Variants in RSPH4A observed in about 807,000 individuals in gnomAD.
RSPH4A encodes the protein radial spoke head protein 4 homolog A.
Under a neutral mutation model 71.0 loss-of-function variants are expected in RSPH4A, and 47 were observed. The ratio of observed to expected loss-of-function variants is 0.66; its 90% confidence interval spans 0.52 to 0.84. RSPH4A has a LOEUF of 0.84. Ranked by LOEUF, RSPH4A falls within the 40% of genes least tolerant of loss-of-function variation. The probability of loss-of-function intolerance (pLI) is 0.00; values close to 1 mark genes in which losing one functional copy is unlikely to be tolerated. For synonymous variants in RSPH4A, 282 were observed against 302.3 expected (o/e 0.93, Z 0.70); for missense variants, 793 against 855.2 (o/e 0.93, Z 0.91).
Position 116,617,104 on chromosome 6 carries a change from TGTGGACGAAGGGACGTGA to T in RSPH4A, c.483_500del (p.Gly162_Ser167del). ...GTCTCAGCAACCCAAACCCCACCTG[TGTGGACGAAGGGACGTGA>T]GCTATAACAACGCTAAACAGAAAGA... On this transcript the variant is annotated inframe_deletion, in exon 1 of 6. Transcript: ENST00000229554. 1 of 1,614,166 alleles carries T rather than the reference TGTGGACGAAGGGACGTGA, an allele frequency of 6.2e-7. No homozygotes were observed. Among genetic ancestry groups the T allele is most frequent in the Non-Finnish European group, 8.5e-7 (1 of 1,180,030 alleles).
intron 1 of RSPH4A, among the ~76,000 whole-genome samples, chr6:116,619,243 C>A (rs1223311456): frequency 2.0e-5 from 3 of 152,070 alleles, no homozygotes; most frequent in Non-Finnish European, 4.4e-5. Context: ...TGGGGAAGCC[C>A]AGCAAGGCCT....
At chr6:116,622,714 T>A in intron 1 of RSPH4A, 54 bp from the exon 2 acceptor site, 1 of 1,180,236 alleles carries the variant, frequency 8.5e-7, no homozygotes, top group East Asian at 2.3e-5. Context: ...AGAAAAATGC[T>A]TCTTCAAATG....
At chr6:116,627,012 A>G (rs1775706156) in intron 2 of RSPH4A, among the ~76,000 whole-genome samples, 1 of 152,206 alleles carries the variant, frequency 6.6e-6, no homozygotes, top group African/African-American at 2.4e-5. Flanking sequence ...TAAGGGAGTC[A>G]CTTATTTTTT....
In RSPH4A at chr6:116,630,537, C is replaced by G; in HGVS notation, c.1901C>G (p.Ala634Gly). 6.4e-7 allele frequency: 1 copy of G among 1,553,284 alleles called. No individual in the cohort carries two copies. Among genetic ancestry groups the G allele is most frequent in the Non-Finnish European group, 8.9e-7 (1 of 1,124,854 alleles). Residue 634 changes from alanine to glycine, a missense_variant, in exon 5 of 6, where the codon GCC (alanine) becomes GGC (glycine). Transcript: ENST00000229554. ...TCCAACCTTTGGCCTGGAGCATATG[C>G]CTTCTCCAATGGCAAGTAAGTATCT... Reference protein sequence around the residue: ...LQSNLWPGAYAFSNGKKFENF... With the variant: ...LQSNLWPGAYGFSNGKKFENF...
chr6:116,622,378 A>G (rs1026118083), intron 1 of RSPH4A, among the ~76,000 whole-genome samples: 1 of 152,212 alleles, frequency 6.6e-6, no homozygotes, highest in Non-Finnish European at 1.5e-5. Context: ...TCAGAAATAA[A>G]ATGTGAAAAT....
intron 1 of RSPH4A, among the ~76,000 whole-genome samples, chr6:116,618,560 C>G (rs1562388487): frequency 6.6e-6 from 1 of 152,232 alleles, no homozygotes; most frequent in African/African-American, 2.4e-5. Flanking sequence ...GTCGCCCAGG[C>G]TGGAGTGTAG....
In RSPH4A at chr6:116,617,060, A is replaced by G. The variant is rs778605738; in HGVS notation, c.437A>G (p.Glu146Gly). The G allele has an allele frequency of 2.5e-6, 4 of 1,614,104 alleles. No homozygotes were observed. The African/African-American group carries it at 5.3e-5, about 22-fold the overall frequency. Residue 146 changes from glutamate to glycine, a missense_variant, in exon 1 of 6, where the codon GAA becomes GGA. Physicochemically the swap from Glu to Gly is moderately conservative, Grantham distance 98. Transcript: ENST00000229554. ...ESTPHHTSQS[E>G]GNTFQQSQQP... ...ACTCCTCATCACACAAGCCAGTCAG[A>G]AGGAAACACCTTTCAACAGTCTCAG... is the stretch of plus-strand genomic sequence containing the variant.
intron 5 of RSPH4A, 101 bp downstream of exon 5, chr6:116,630,653 G>GTTT: frequency 2.6e-6 from 1 of 389,486 alleles, no homozygotes; most frequent in African/African-American, 2.7e-5. Flanking sequence ...TGTTTCTTTG[G>GTTT]TTTTTTTTTT....
chr6:116,630,839 A>ATTTT (rs1449023585), intron 5 of RSPH4A, among the ~76,000 whole-genome samples: 10 of 71,254 alleles, frequency 1.4e-4, no homozygotes, highest in Non-Finnish European at 2.4e-4. Flanking sequence ...TGCCCAGCTA[A>ATTTT]TTTTTGTATT....
rs1775721602 is a variant in RSPH4A, at chr6:116,627,815, G to C, written c.1108G>C (p.Glu370Gln). 1 of 1,614,156 alleles carries C rather than the reference G, an allele frequency of 6.2e-7. No homozygotes were observed. Among genetic ancestry groups the C allele is most frequent in the Non-Finnish European group, 8.5e-7 (1 of 1,180,026 alleles). Residue 370 changes from glutamate to glutamine, a missense_variant, in exon 3 of 6, where the codon GAA becomes CAA. Physicochemically the swap from Glu to Gln is conservative, Grantham distance 29. Transcript: ENST00000229554. ...LGLEMNYIVA[E>Q]VEFREGEDEE... ...TCTGGAAATGAATTATATTGTAGCT[G>C]AAGTGGAATTTCGTGAGGGGGAAGA...
At chr6:116,623,503 T>C (rs1260705772) in intron 2 of RSPH4A, among the ~76,000 whole-genome samples, 1 of 152,124 alleles carries the variant, frequency 6.6e-6, no homozygotes, top group Non-Finnish European at 1.5e-5. Context: ...GTTTTTTTCA[T>C]ACTGTGTTTT....
intron 5 of RSPH4A, among the ~76,000 whole-genome samples, chr6:116,631,555 A>G (rs1775804834): frequency 6.6e-6 from 1 of 152,188 alleles, no homozygotes; most frequent in Admixed American, 6.5e-5. Context: ...GAAGTGAAAA[A>G]GTGCTGAGCA....
rs1462338908 is a variant in RSPH4A, at chr6:116,617,133, C to CA, written c.510_511insA (p.Ala171SerfsTer2). 4 of 1,614,200 alleles carry CA rather than the reference C, an allele frequency of 2.5e-6. No homozygotes were observed. On this transcript the variant is annotated frameshift_variant, in exon 1 of 6. Coordinates refer to ENST00000229554, the MANE Select transcript of RSPH4A (RefSeq NM_001010892.3). LOFTEE classifies it high-confidence loss of function. The stretch of plus-strand genomic sequence containing the variant: ...GACGAAGGGACGTGAGCTATAACAA[C>CA]GCTAAACAGAAAGAGCTGAGATTTG...
intron 5 of RSPH4A, among the ~76,000 whole-genome samples, chr6:116,631,134 C>T (rs1257306306): frequency 6.6e-6 from 1 of 151,976 alleles, no homozygotes; most frequent in African/African-American, 2.4e-5. Context: ...CTTAATTATC[C>T]AATTTGTTGA....
In RSPH4A at chr6:116,617,069, C is replaced by A. The variant is rs13213314; in HGVS notation, c.446C>A (p.Thr149Asn). 7 of 1,614,160 alleles carry A rather than the reference C, an allele frequency of 4.3e-6. No homozygotes were observed. Among genetic ancestry groups the A allele is most frequent in the Non-Finnish European group, 5.9e-6 (7 of 1,180,004 alleles). ...PHHTSQSEGN[T>N]FQQSQQPKPH... is the part of the protein sequence containing the mutation. ...CACACAAGCCAGTCAGAAGGAAACA[C>A]CTTTCAACAGTCTCAGCAACCCAAA... Residue 149 changes from threonine (T) to asparagine (N), a missense_variant, in exon 1 of 6, where the codon ACC becomes AAC. Thr to Asn is a moderately conservative substitution (Grantham distance 65). Coordinates refer to ENST00000229554, the MANE Select transcript of RSPH4A (RefSeq NM_001010892.3).
At chr6:116,630,617 C>A (rs954757314) in intron 5 of RSPH4A, 65 bp downstream of exon 5, 37 of 793,650 alleles carry the variant, frequency 4.7e-5, no homozygotes, top group African/African-American at 8.6e-5. Flanking sequence ...TTATAAATAA[C>A]CACTAGAATG....
At chr6:116,626,092 T>C (rs940568341) in intron 2 of RSPH4A, among the ~76,000 whole-genome samples, 1 of 152,194 alleles carries the variant, frequency 6.6e-6, no homozygotes, top group Non-Finnish European at 1.5e-5. Context: ...GATGAAATAG[T>C]TCTAGAGGGC....
Sources: gnomAD v4.1 joint callset for allele counts (sites outside exome capture counted in the v4.1 genomes callset) on GRCh38, gnomAD v4.1.1 for gene constraint, MANE v1.5 for transcripts, NCBI Gene and HGNC (gene_info 2026-07-23, HGNC 2026-07-21) for gene names.